Variants in FBXW7 observed in about 807,000 individuals in gnomAD.
FBXW7 encodes F-box/WD repeat-containing protein 7.
A neutral mutation model predicts 86.3 loss-of-function variants in FBXW7; 11 were observed. That is an observed-to-expected ratio of 0.13 (90% CI 0.08 to 0.21). The LOEUF (loss-of-function observed/expected upper bound fraction) is 0.21, where lower values mean the gene tolerates loss of function less well. Ranked by LOEUF, FBXW7 falls within the 10% of genes least tolerant of loss-of-function variation. FBXW7 has a pLI of 1.00. For synonymous variants in FBXW7, 313 were observed against 297.9 expected, an observed-to-expected ratio of 1.05 and a Z score of -0.52; for missense variants, 488 against 847.4, an observed-to-expected ratio of 0.58 and a Z score of 5.27.
At chr4:152,498,516 G>A (rs569795958) in intron 2 of FBXW7, among the ~76,000 whole-genome samples, 2 of 152,326 alleles carry the variant, frequency 1.3e-5, no homozygotes, top group African/African-American at 4.8e-5. Context: ...GAGGGTGACT[G>A]TGCTGAACCT....
At chr4:152,350,002 A>C in intron 5 of FBXW7, 40 bp downstream of exon 5, 2 of 1,187,810 alleles carry the variant, frequency 1.7e-6, no homozygotes, top group Non-Finnish European at 2.4e-6. Context: ...CAACTCTAAA[A>C]AACTGAGAAT....
chr4:152,535,803 G>GCCGGCTCCGGCTCAGGCTCGGGCT lies in FBXW7; in HGVS notation c.-913_-890dup. On this transcript the variant is annotated 5_prime_UTR_variant, in exon 1 of 14. Coordinates refer to ENST00000281708, the MANE Select transcript of FBXW7 (RefSeq NM_001349798.2). ...TAGCCGCCTCCCTGCCCCCCAAGCC[G>GCCGGCTCCGGCTCAGGCTCGGGCT]CCGGCTCCGGCTCAGGCTCGGGCTC... The GCCGGCTCCGGCTCAGGCTCGGGCT allele has an allele frequency of 5.1e-6, 2 of 392,520 alleles. No individual in the cohort carries two copies. The highest frequency in any genetic ancestry group is 1.2e-4 in the South Asian group (1 of 8,676). The allele number at this position is 392,520 out of a possible 1,614,324, so 24.3% of individuals were successfully genotyped here.
chr4:152,455,862 C>T (rs1742353120), intron 2 of FBXW7, among the ~76,000 whole-genome samples: 1 of 152,128 alleles, frequency 6.6e-6, no homozygotes, highest in South Asian at 2.1e-4. Flanking sequence ...TCTCTGATTA[C>T]ACTGGGCTCA....
intron 2 of FBXW7, among the ~76,000 whole-genome samples, chr4:152,469,008 T>G (rs1397046660): frequency 6.6e-6 from 1 of 151,944 alleles, no homozygotes; most frequent in Non-Finnish European, 1.5e-5. Context: ...CAGAACAGTA[T>G]AACTGTTGAA....
intron 4 of FBXW7, among the ~76,000 whole-genome samples, chr4:152,383,730 T>C (rs1389760314): frequency 6.6e-6 from 1 of 152,144 alleles, no homozygotes; most frequent in Non-Finnish European, 1.5e-5. Context: ...TTGGAAAGAT[T>C]AGCATTGCTA....
chr4:152,480,611 TAA>T (rs1744795942), intron 2 of FBXW7, among the ~76,000 whole-genome samples: 3 of 151,936 alleles, frequency 2.0e-5, no homozygotes, highest in African/African-American at 7.3e-5. Flanking sequence ...TTAACCAAGT[TAA>T]AAAAGGAAAA....
At chr4:152,473,292 A>G (rs1744122277) in intron 2 of FBXW7, among the ~76,000 whole-genome samples, 1 of 152,212 alleles carries the variant, frequency 6.6e-6, no homozygotes, top group Admixed American at 6.5e-5. Context: ...AGACAGACTC[A>G]AGTTAAATTT....
At chr4:152,386,564 A>G (rs1735542964) in intron 4 of FBXW7, among the ~76,000 whole-genome samples, 2 of 152,140 alleles carry the variant, frequency 1.3e-5, no homozygotes, top group Non-Finnish European at 1.5e-5. Flanking sequence ...TCCATCTATA[A>G]TAACTTTGGA....
chr4:152,499,694 C>G (rs1260123983), intron 2 of FBXW7, among the ~76,000 whole-genome samples: 1 of 152,074 alleles, frequency 6.6e-6, no homozygotes, highest in Non-Finnish European at 1.5e-5. Flanking sequence ...ACCACAGGCT[C>G]ACGCAGCCAT....
chr4:152,482,971 G>A (rs921069634), intron 2 of FBXW7, among the ~76,000 whole-genome samples: 4 of 152,082 alleles, frequency 2.6e-5, no homozygotes, highest in South Asian at 2.1e-4. Flanking sequence ...TGAATAATGT[G>A]GGATATTTTG....
rs1730924301 is a variant in FBXW7 at position 152,343,331 on chromosome 4, A to T, written c.726+3599T>A. Among the ~76,000 whole-genome samples the T allele has an allele frequency of 2.6e-5, 4 of 152,124 alleles. No individual in the cohort carries two copies. The South Asian group carries it at 8.3e-4, about 31-fold the overall frequency. On this transcript the variant is annotated intron_variant, in intron 6 of 13. Transcript: ENST00000281708. ...GCTAGTGTTAACGGTCCCTTTTTAG[A>T]TCTGAGAAAATTTCTGAGGTCCACT...
At chr4:152,400,864 T>C (rs1736863978) in intron 4 of FBXW7, among the ~76,000 whole-genome samples, 1 of 152,122 alleles carries the variant, frequency 6.6e-6, no homozygotes, top group African/African-American at 2.4e-5. Flanking sequence ...CAGAACAACC[T>C]GACTAAAACA....
chr4:152,372,399 G>A (rs1734084550), intron 4 of FBXW7, among the ~76,000 whole-genome samples: 1 of 151,968 alleles, frequency 6.6e-6, no homozygotes, highest in African/African-American at 2.4e-5. Context: ...ATTTTGAATT[G>A]TAGAAAGGTA....
chr4:152,452,808 T>C (rs1043479307), intron 2 of FBXW7, among the ~76,000 whole-genome samples: 2 of 152,188 alleles, frequency 1.3e-5, no homozygotes, highest in Non-Finnish European at 2.9e-5. Flanking sequence ...CAAGAACGGA[T>C]TGCCTTGCAG....
intron 4 of FBXW7, among the ~76,000 whole-genome samples, chr4:152,372,725 CCTAA>C (rs1450359805): frequency 1.3e-5 from 2 of 152,024 alleles, no homozygotes; most frequent in Non-Finnish European, 2.9e-5. Flanking sequence ...TTCTGTAAAA[CCTAA>C]CTTAGTTTAT....
At chr4:152,509,844 G>GT (rs2149712532) in intron 2 of FBXW7, among the ~76,000 whole-genome samples, 1 of 152,314 alleles carries the variant, frequency 6.6e-6, no homozygotes, top group Admixed American at 6.5e-5. Context: ...CATGAAGAAT[G>GT]TGACAATAGG....
In FBXW7 at chr4:152,535,869, C is replaced by G. The variant is rs1314348397; in HGVS notation, c.-955G>C. On this transcript the variant is annotated 5_prime_UTR_variant, in exon 1 of 14. Transcript: ENST00000281708. The stretch of plus-strand genomic sequence containing the variant: ...CTCCGGCGTGTGCAGCCGCCGCTGC[C>G]GGCCGGGAAGGTGAGGGGGGGAAAG... 2.6e-6 allele frequency: 1 copy of G among 381,594 alleles called. No individual in the cohort carries two copies. Among genetic ancestry groups the G allele is most frequent in the Non-Finnish European group, 4.6e-6 (1 of 215,326 alleles). 23.6% of individuals were successfully genotyped at this position (381,594 alleles called of 1,614,324 possible). A position where few individuals can be genotyped will look rare whatever the true frequency, so the allele number is the denominator to read the frequency against.
intron 2 of FBXW7, among the ~76,000 whole-genome samples, chr4:152,442,598 C>T (rs1374609581): frequency 2.0e-5 from 3 of 152,122 alleles, no homozygotes; most frequent in African/African-American, 4.8e-5. Flanking sequence ...TATTAGCAGG[C>T]GATCGTTAAA....
At chr4:152,445,432 C>T (rs1398472303) in intron 2 of FBXW7, among the ~76,000 whole-genome samples, 3 of 152,140 alleles carry the variant, frequency 2.0e-5, no homozygotes, top group East Asian at 3.9e-4. Context: ...TTTCAAAATC[C>T]GAAGCGCTTC....
Sources: gnomAD v4.1 joint callset for allele counts (sites outside exome capture counted in the v4.1 genomes callset) on GRCh38, gnomAD v4.1.1 for gene constraint, MANE v1.5 for transcripts, NCBI Gene and HGNC (gene_info 2026-07-23, HGNC 2026-07-21) for gene names.